The following SLAMF9 variants were observed in gnomAD, a reference collection of about 807,000 sequenced individuals.
SLAMF9 encodes the protein CD2 family member 10.
In SLAMF9, 25 loss-of-function variants were observed where a neutral mutation model predicts 30.4. The observed-to-expected ratio is 0.82, with a 90% confidence interval of 0.60 to 1.15. SLAMF9 has a LOEUF of 1.15. SLAMF9 is among the 50% of genes most tolerant of loss of function. The pLI, the probability that SLAMF9 is intolerant of heterozygous loss-of-function variation, is 0.00. For missense variants in SLAMF9, 344 were observed against 346.1 expected (o/e 0.99, Z 0.05); for synonymous variants, 129 against 127.2 (o/e 1.01, Z -0.09).
intron 3 of SLAMF9, 103 bp downstream of exon 3, chr1:159,952,159 T>G: frequency 6.5e-6 from 9 of 1,389,596 alleles, no homozygotes; most frequent in Non-Finnish European, 8.9e-6. Context: ...GGGGGTTAGC[T>G]TCTGAATTCC....
the SLAMF9 span, among the ~76,000 whole-genome samples, chr1:159,974,987 T>C: frequency 6.6e-6 from 1 of 152,242 alleles, no homozygotes; most frequent in Middle Eastern, 3.4e-3. Flanking sequence ...AAACCTGGTT[T>C]CTCTATTGCC....
the SLAMF9 span, among the ~76,000 whole-genome samples, chr1:159,968,327 T>A: frequency 6.6e-6 from 1 of 152,234 alleles, no homozygotes; most frequent in African/African-American, 2.4e-5. Context: ...TTTTTGTAAT[T>A]CTTTAGGGAT....
chr1:159,964,646 G>C, the SLAMF9 span, among the ~76,000 whole-genome samples: 5 of 152,208 alleles, frequency 3.3e-5, no homozygotes, highest in Non-Finnish European at 7.3e-5. Flanking sequence ...TCGGAGTGGT[G>C]GAGAGACTCC....
At chr1:159,968,534 C>A in the SLAMF9 span, among the ~76,000 whole-genome samples, 1 of 152,224 alleles carries the variant, frequency 6.6e-6, no homozygotes, top group East Asian at 1.9e-4. Context: ...GGTTTTGTGG[C>A]ACCCATGGTA....
chr1:159,951,551 T>G lies in SLAMF9; in HGVS notation c.*110A>C. The G allele has an allele frequency of 1.0e-6, 1 of 996,828 alleles. No individual in the cohort carries two copies. Among genetic ancestry groups the G allele is most frequent in the Non-Finnish European group, 1.5e-6 (1 of 665,786 alleles). The allele number at this position is 996,828 out of a possible 1,614,324, so 61.7% of individuals were successfully genotyped here. On this transcript the variant is annotated 3_prime_UTR_variant, in exon 4 of 4. Coordinates refer to ENST00000368093, the MANE Select transcript of SLAMF9 (RefSeq NM_033438.4). ...GTCTTCCCTCAGAAGTATGGCTCTC[T>G]GGATACCCACCCCTGAGCACCTCCT...
At chr1:159,956,299 C>G (rs139171693), upstream of SLAMF9, among the ~76,000 whole-genome samples, 1 of 152,098 alleles carries the variant, frequency 6.6e-6, no homozygotes, top group Admixed American at 6.5e-5. Context: ...GACCCCATGT[C>G]TACAAAAAAA....
the SLAMF9 span, among the ~76,000 whole-genome samples, chr1:159,960,461 CT>C: frequency 0.01 from 1,368 of 130,692 alleles, 8 homozygotes; most frequent in South Asian, 0.018. Flanking sequence ...CTCTGATGAT[CT>C]TTTTTTTTTT....
upstream of SLAMF9, among the ~76,000 whole-genome samples, chr1:159,956,320 A>G (rs1423351217): frequency 1.3e-5 from 2 of 152,138 alleles, no homozygotes; most frequent in African/African-American, 2.4e-5. Context: ...ATTTTTAAAC[A>G]TGATCAGGGC....
chr1:159,960,096 T>C, the SLAMF9 span, among the ~76,000 whole-genome samples: 1 of 151,678 alleles, frequency 6.6e-6, no homozygotes, highest in Non-Finnish European at 1.5e-5. Context: ...ACATGTGCCA[T>C]GTTGGTGTGC....
chr1:159,971,955 A>G, the SLAMF9 span, among the ~76,000 whole-genome samples: 1 of 152,130 alleles, frequency 6.6e-6, no homozygotes, highest in South Asian at 2.1e-4. Context: ...ACAAAACAAA[A>G]AAACTTGTCT....
the SLAMF9 span, among the ~76,000 whole-genome samples, chr1:159,969,527 C>A: frequency 6.6e-6 from 1 of 152,188 alleles, no homozygotes; most frequent in Non-Finnish European, 1.5e-5. Flanking sequence ...TGCCTTGGAG[C>A]CTTAAGGGTT....
At chr1:159,973,908 A>G in the SLAMF9 span, 13 of 1,612,458 alleles carry the variant, frequency 8.1e-6, no homozygotes, top group Non-Finnish European at 1.1e-5. Context: ...TGCTCCTCTC[A>G]TGGACAGAGT....
At chr1:159,963,204 T>C in the SLAMF9 span, among the ~76,000 whole-genome samples, 1 of 152,150 alleles carries the variant, frequency 6.6e-6, no homozygotes, top group South Asian at 2.1e-4. Flanking sequence ...GCTCAATGAA[T>C]GTGAGTCATG....
chr1:159,952,653 A>C, intron 2 of SLAMF9, 119 bp from the exon 3 acceptor site: 1 of 1,095,614 alleles, frequency 9.1e-7, no homozygotes, highest in Non-Finnish European at 1.3e-6. Context: ...CCTAAACAAC[A>C]AATAGGCAAA....
At chr1:159,976,312 T>C in the SLAMF9 span, among the ~76,000 whole-genome samples, 2 of 152,142 alleles carry the variant, frequency 1.3e-5, no homozygotes, top group Non-Finnish European at 2.9e-5. Flanking sequence ...CATAAATACC[T>C]GTATGGAATG....
Position 159,952,459 on chromosome 1 carries a change from C to A in SLAMF9, c.467G>T (p.Cys156Phe). 6.2e-7 allele frequency: 1 copy of A among 1,614,124 alleles called. No individual in the cohort carries two copies. The highest frequency in any genetic ancestry group is 8.5e-7 in the Non-Finnish European group (1 of 1,180,008). The change falls in exon 3 of 4, where the codon TGC (cysteine) becomes TTC (phenylalanine). Residue 156 changes from cysteine (C) to phenylalanine (F), a missense_variant. Physicochemically the swap from Cys to Phe is radical, Grantham distance 205. Coordinates refer to ENST00000368093, the MANE Select transcript of SLAMF9 (RefSeq NM_033438.4). ...ATCCATGCCTGCCTTCTCCACAGAG[C>A]ACACCAGGGACATACTGCAGGCACC... ...GEGACSMSLV[C>F]SVEKAGMDMT...
chr1:159,965,288 G>T, the SLAMF9 span, among the ~76,000 whole-genome samples: 1 of 152,168 alleles, frequency 6.6e-6, no homozygotes, highest in East Asian at 1.9e-4. Context: ...GCAGGATAAA[G>T]GAACACCAAG....
At chr1:159,978,132 A>G in the SLAMF9 span, among the ~76,000 whole-genome samples, 1 of 152,208 alleles carries the variant, frequency 6.6e-6, no homozygotes, top group South Asian at 2.1e-4. Flanking sequence ...CATCCTGGCC[A>G]TCCTGGCTTC....
chr1:159,960,139 A>C, the SLAMF9 span, among the ~76,000 whole-genome samples: 2 of 149,244 alleles, frequency 1.3e-5, no homozygotes, highest in Admixed American at 6.7e-5. Context: ...AGCATTAGGT[A>C]TATCTCCTAA....
Sources: gnomAD v4.1 joint callset for allele counts (sites outside exome capture counted in the v4.1 genomes callset) on GRCh38, gnomAD v4.1.1 for gene constraint, MANE v1.5 for transcripts, NCBI Gene and HGNC (gene_info 2026-07-23, HGNC 2026-07-21) for gene names.